Variants in SH3GL3 observed in about 807,000 individuals in gnomAD.
SH3GL3 encodes the protein SH3 domain containing GRB2 like 3, endophilin A3.
In SH3GL3, 33 loss-of-function variants were observed where a neutral mutation model predicts 47.7. That is an observed-to-expected ratio of 0.69 (90% CI 0.52 to 0.92). SH3GL3 has a LOEUF of 0.92. Among genes scored for constraint, SH3GL3 ranks in the 40% least tolerant of loss-of-function variants. The pLI, the probability that SH3GL3 is intolerant of heterozygous loss-of-function variation, is 0.00. For synonymous variants in SH3GL3, 155 were observed against 148.8 expected, an observed-to-expected ratio of 1.04 and a Z score of -0.30; for missense variants, 363 against 417.8, an observed-to-expected ratio of 0.87 and a Z score of 1.14.
chr15:83,587,689 A>G (rs1055042667), intron 7 of SH3GL3, among the ~76,000 whole-genome samples: 1 of 152,210 alleles, frequency 6.6e-6, no homozygotes, highest in African/African-American at 2.4e-5. Context: ...TATCTTCTGA[A>G]CAATCAAAGA....
intron 1 of SH3GL3, among the ~76,000 whole-genome samples, chr15:83,466,845 C>G (rs535206463): frequency 4.6e-5 from 7 of 152,260 alleles, no homozygotes; most frequent in Admixed American, 3.3e-4. Context: ...CTTTAAGTAT[C>G]TCCTCTTATG....
At chr15:83,471,869 G>C (rs535191481) in intron 1 of SH3GL3, among the ~76,000 whole-genome samples, 4 of 152,008 alleles carry the variant, frequency 2.6e-5, no homozygotes, top group African/African-American at 9.6e-5. Context: ...GATGTGTCTT[G>C]GTGTGGATTT....
intron 1 of SH3GL3, among the ~76,000 whole-genome samples, chr15:83,511,219 G>C (rs2042732253): frequency 6.6e-6 from 1 of 151,908 alleles, no homozygotes; most frequent in Non-Finnish European, 1.5e-5. Context: ...GGACCCCCAT[G>C]ATGGTGCCTT....
intron 1 of SH3GL3, among the ~76,000 whole-genome samples, chr15:83,490,486 T>C (rs1056223764): frequency 2.0e-5 from 3 of 152,096 alleles, no homozygotes; most frequent in African/African-American, 7.2e-5. Context: ...GAAATGTTAT[T>C]TGTGAGTCTG....
chr15:83,590,246 G>C (rs2060059823), intron 8 of SH3GL3, among the ~76,000 whole-genome samples: 1 of 151,958 alleles, frequency 6.6e-6, no homozygotes, highest in African/African-American at 2.4e-5. Context: ...TTTTGCTGTT[G>C]TTTGCTTTGT....
chr15:83,556,209 C>T (rs1367281065), intron 1 of SH3GL3, among the ~76,000 whole-genome samples: 1 of 152,194 alleles, frequency 6.6e-6, no homozygotes, highest in Non-Finnish European at 1.5e-5. Context: ...TCCCAAGTAC[C>T]AGTCATGTCC....
intron 8 of SH3GL3, among the ~76,000 whole-genome samples, chr15:83,610,245 T>C (rs898823746): frequency 5.9e-5 from 9 of 152,142 alleles, no homozygotes; most frequent in Non-Finnish European, 1.3e-4. Context: ...TCAGAAATGG[T>C]GTGGGAGAAG....
the SH3GL3 span, among the ~76,000 whole-genome samples, chr15:83,627,170 G>C: frequency 6.6e-6 from 1 of 152,118 alleles, no homozygotes; most frequent in African/African-American, 2.4e-5. Context: ...GGCCGAGGCG[G>C]GCGGATCACG....
chr15:83,500,396 C>A (rs1368034344), intron 1 of SH3GL3, among the ~76,000 whole-genome samples: 1 of 152,152 alleles, frequency 6.6e-6, no homozygotes, highest in Non-Finnish European at 1.5e-5. Context: ...GCCCCTCTTC[C>A]CGGACCACAC....
chr15:83,481,568 A>G lies in SH3GL3; in HGVS notation c.45+33990A>G, dbSNP rs569378398. 4.1e-3 allele frequency among the ~76,000 whole-genome samples: 624 copies of G among 152,304 alleles called. 4 individuals carry two copies. Among genetic ancestry groups the G allele is most frequent in the Non-Finnish European group, 8.1e-3 (551 of 68,016 alleles). ...TTAAAGCAGGCAAAAATATTTCTTA[A>G]GAGCTGAAATTTCAGGTTGGCAAAA... is the stretch of plus-strand genomic sequence containing the variant. On this transcript the variant is annotated intron_variant, in intron 1 of 8. Coordinates refer to ENST00000427482, the MANE Select transcript of SH3GL3 (RefSeq NM_003027.5).
intron 1 of SH3GL3, among the ~76,000 whole-genome samples, chr15:83,495,816 A>G (rs1425877549): frequency 1.3e-5 from 2 of 152,174 alleles, no homozygotes; most frequent in Admixed American, 6.5e-5. Flanking sequence ...GACTTTCCTT[A>G]TGATAGACTC....
At chr15:83,560,783 G>A (rs1365582633) in intron 2 of SH3GL3, among the ~76,000 whole-genome samples, 1 of 152,014 alleles carries the variant, frequency 6.6e-6, no homozygotes, top group Admixed American at 6.5e-5. Context: ...ACAGAAATGA[G>A]AAAGTAATGG....
At chr15:83,506,203 T>A (rs971062393) in intron 1 of SH3GL3, among the ~76,000 whole-genome samples, 1 of 152,242 alleles carries the variant, frequency 6.6e-6, no homozygotes, top group Non-Finnish European at 1.5e-5. Context: ...CTACATGTGG[T>A]GGTTTTATTT....
chr15:83,566,528 A>C (rs2045556628), intron 3 of SH3GL3, among the ~76,000 whole-genome samples: 1 of 152,198 alleles, frequency 6.6e-6, no homozygotes, highest in Admixed American at 6.5e-5. Context: ...TAATCCCAGC[A>C]CTTTGGGAGG....
At position 83,568,394 on chromosome 15, in the gene SH3GL3, C is replaced by T; in HGVS notation, c.188-135C>T. Reference sequence around the variant, plus strand: ...CTGAGAAAATTAAATAGTTCACACACAATTGTTTCAGGCCTCAGGTCTCTG... The same window carrying T: ...CTGAGAAAATTAAATAGTTCACACATAATTGTTTCAGGCCTCAGGTCTCTG... On this transcript the variant is annotated intron_variant, in intron 3 of 8. Transcript: ENST00000427482. 4 of 623,766 alleles carry T rather than the reference C, an allele frequency of 6.4e-6. No individual in the cohort carries two copies. The South Asian group carries it at 7.9e-5, about 12-fold the overall frequency. The allele number at this position is 623,766 out of a possible 1,614,324, so 38.6% of individuals were successfully genotyped here. A position where few individuals can be genotyped will look rare whatever the true frequency, so the allele number is the denominator to read the frequency against.
chr15:83,568,450 C>A, intron 3 of SH3GL3, 79 bp from the exon 4 acceptor site: 2 of 1,201,258 alleles, frequency 1.7e-6, no homozygotes, highest in Non-Finnish European at 1.2e-6. Flanking sequence ...TCAGTTTTGG[C>A]AGCTGCGTTT....
At chr15:83,538,272 C>T (rs938760985) in intron 1 of SH3GL3, among the ~76,000 whole-genome samples, 1 of 152,160 alleles carries the variant, frequency 6.6e-6, no homozygotes, top group East Asian at 1.9e-4. Flanking sequence ...GCTTGTTAAA[C>T]TTCCTTCTAG....
chr15:83,449,920 T>C (rs74249860), intron 1 of SH3GL3, among the ~76,000 whole-genome samples: 14,011 of 152,238 alleles, frequency 0.092, 878 homozygotes, highest in East Asian at 0.26. Context: ...TAATATAATA[T>C]GAGGGAGCTC....
At chr15:83,517,389 A>G (rs557686135) in intron 1 of SH3GL3, among the ~76,000 whole-genome samples, 1 of 151,742 alleles carries the variant, frequency 6.6e-6, no homozygotes, top group Admixed American at 6.6e-5. Flanking sequence ...ATTTTTTAGT[A>G]GAGATGGGAT....
Sources: allele counts gnomAD v4.1 joint callset (sites outside exome capture counted in the v4.1 genomes callset), GRCh38; gene constraint gnomAD v4.1.1; transcripts MANE v1.5; gene names NCBI Gene and HGNC (gene_info 2026-07-23, HGNC 2026-07-21).